MICAL3: variants seen among roughly 807,000 people sequenced by gnomAD.
MICAL3 encodes [F-actin]-monooxygenase MICAL3.
A neutral mutation model predicts 207.4 loss-of-function variants in MICAL3; 62 were observed. The observed-to-expected ratio is 0.30, with a 90% CI of 0.24 to 0.37. The LOEUF is 0.37. Ranked by LOEUF, MICAL3 falls within the 10% of genes least tolerant of loss-of-function variation. The pLI, the probability that MICAL3 is intolerant of heterozygous loss-of-function variation, is 1.00. For missense variants in MICAL3, 2,368 were observed against 2,635.6 expected (o/e 0.90, Z 2.22); for synonymous variants, 1,077 against 1,069.3 (o/e 1.01, Z -0.14).
At chr22:17,986,497 G>A (rs1419610459) in intron 1 of MICAL3, among the ~76,000 whole-genome samples, 1 of 152,070 alleles carries the variant, frequency 6.6e-6, no homozygotes, top group Non-Finnish European at 1.5e-5. Context: ...TCCAGCCTGG[G>A]CAACAGAGCG....
intron 1 of MICAL3, among the ~76,000 whole-genome samples, chr22:18,012,605 C>T (rs937841155): frequency 5.3e-5 from 8 of 152,218 alleles, no homozygotes; most frequent in Non-Finnish European, 1.2e-4. Flanking sequence ...CCAGAGCCTC[C>T]CAGCCAGTCT....
At position 17,866,619 on chromosome 22, in the gene MICAL3, A is replaced by G. The variant is rs143033477; in HGVS notation, c.2429-607T>C. ...GGAACAGCATAGAACAGAACAGAATAGAATAGAATAGAATAGAATAGAATA... is the reference window on the plus strand; with the variant it reads ...GGAACAGCATAGAACAGAACAGAATGGAATAGAATAGAATAGAATAGAATA... On this transcript the variant is annotated intron_variant, in intron 17 of 31. Transcript: ENST00000441493. 1.7e-3 allele frequency among the ~76,000 whole-genome samples: 200 copies of G among 117,348 alleles called. 1 individual carries two copies. The highest frequency in any genetic ancestry group is 6.3e-3 in the African/African-American group (194 of 30,818). 77.0% of individuals were successfully genotyped at this position (117,348 alleles called of 152,430 possible). A position where few individuals can be genotyped will look rare whatever the true frequency, so the allele number is the denominator to read the frequency against.
intron 22 of MICAL3, among the ~76,000 whole-genome samples, chr22:17,824,648 C>T (rs1370115975): frequency 2.0e-5 from 3 of 152,176 alleles, no homozygotes; most frequent in African/African-American, 7.2e-5. Flanking sequence ...AGGCGGGTTC[C>T]CAGACTAGCT....
At position 17,891,687 on chromosome 22, in the gene MICAL3, A is replaced by T. The variant is rs1273436495; in HGVS notation, c.1547-55T>A. On this transcript the variant is annotated intron_variant, in intron 11 of 31. Transcript: ENST00000441493. The stretch of plus-strand genomic sequence containing the variant: ...GGTGTGGTCACCTGGTAATGCTGAC[A>T]GAGAATCCTCTTTGTAGGACACATG... 3 of 1,566,354 alleles carry T rather than the reference A, an allele frequency of 1.9e-6. No individual in the cohort carries two copies. The East Asian group carries it at 6.8e-5, about 35-fold the overall frequency.
At chr22:17,791,365 ACAC>A in intron 29 of MICAL3, 64 bp from the exon 30 acceptor site, 1 of 1,374,270 alleles carries the variant, frequency 7.3e-7, no homozygotes, top group South Asian at 1.2e-5. Context: ...CGCAGGAATC[ACAC>A]GGGGCAAATG....
Position 17,888,955 on chromosome 22 carries a change from G to A in MICAL3, c.1891+79C>T, listed in dbSNP as rs557517354. 2.3e-5 allele frequency: 23 copies of A among 986,508 alleles called. No homozygotes were observed. The Middle Eastern group carries it at 1.1e-3, about 48-fold the overall frequency. 61.1% of individuals were successfully genotyped at this position (986,508 alleles called of 1,614,324 possible). A position where few individuals can be genotyped will look rare whatever the true frequency, so the allele number is the denominator to read the frequency against. On this transcript the variant is annotated intron_variant, in intron 13 of 31. Transcript: ENST00000441493. The stretch of plus-strand genomic sequence containing the variant: ...TTTGTGTTTGGTGGCACTGCTGCGG[G>A]ACAGTCGGAAGGAAGGAAGAACAGC...
chr22:17,982,992 C>T (rs1354711196), intron 1 of MICAL3, among the ~76,000 whole-genome samples: 4 of 152,106 alleles, frequency 2.6e-5, no homozygotes, highest in Non-Finnish European at 5.9e-5. Flanking sequence ...ACCTCAGAAA[C>T]GAAGGACCTT....
At chr22:17,858,600 G>T in intron 19 of MICAL3, 3 of 335,346 alleles carry the variant, frequency 8.9e-6, no homozygotes, top group Non-Finnish European at 1.3e-5. Flanking sequence ...AATAAGAGTG[G>T]CCCATTTTCA....
rs1927762592 is a variant in MICAL3 at position 17,871,908 on chromosome 22, C to T, written c.2357G>A (p.Arg786Gln). Residue 786 changes from arginine to glutamine, a missense_variant, in exon 17 of 32, where the codon CGG becomes CAG. This residue lies in a region of MICAL3 where 1,770 missense variants were observed against 1,863.2 expected (regional missense o/e 0.95). Coordinates refer to ENST00000441493, the MANE Select transcript of MICAL3 (RefSeq NM_015241.3). ...GCAGTACTCGCACTTGAAGCAGCTC[C>T]GGTGGAAGAACTTGCCCTCGGCACT... ...RLSAEGKFFH[R>Q]SCFKCEYCAT... 1.2e-6 allele frequency: 2 copies of T among 1,611,652 alleles called. No individual in the cohort carries two copies. Among genetic ancestry groups the T allele is most frequent in the Non-Finnish European group, 1.7e-6 (2 of 1,179,050 alleles).
chr22:17,881,625 A>C (rs1245977563), intron 16 of MICAL3, among the ~76,000 whole-genome samples: 1 of 152,186 alleles, frequency 6.6e-6, no homozygotes, highest in Non-Finnish European at 1.5e-5. Flanking sequence ...TAGAGAGGGC[A>C]AACAGGCCAA....
chr22:17,939,498 A>T (rs1045508364), intron 1 of MICAL3, among the ~76,000 whole-genome samples: 2 of 152,150 alleles, frequency 1.3e-5, no homozygotes, highest in African/African-American at 4.8e-5. Context: ...CCATCCCCCT[A>T]GGAGGCCAAA....
chr22:17,827,876 G>C, intron 21 of MICAL3, 95 bp from the exon 22 acceptor site: 3 of 1,332,250 alleles, frequency 2.3e-6, no homozygotes, highest in Non-Finnish European at 3.1e-6. Context: ...TTACAGCATT[G>C]GCCAGGGTCA....
At chr22:17,849,941 T>G (rs1051370929) in intron 19 of MICAL3, among the ~76,000 whole-genome samples, 1 of 152,000 alleles carries the variant, frequency 6.6e-6, no homozygotes, top group African/African-American at 2.4e-5. Flanking sequence ...TCCGCCCGCC[T>G]TAGCCTCCCA....
chr22:17,808,941 TGACA>T lies in MICAL3; in HGVS notation c.5557-8_5557-5del, dbSNP rs1555929275. 6.5e-7 allele frequency: 1 copy of T among 1,550,144 alleles called. No homozygotes were observed. Among genetic ancestry groups the T allele is most frequent in the Non-Finnish European group, 8.7e-7 (1 of 1,147,536 alleles). ...GCTGCAGCTGCCGCTGGATGATCTATGACAGACAGCACAGACTGAGCACCCGGCT... is the reference window on the plus strand; with the variant it reads ...GCTGCAGCTGCCGCTGGATGATCTATGACAGCACAGACTGAGCACCCGGCT... On this transcript the variant is annotated splice_region_variant and splice_polypyrimidine_tract_variant and intron_variant, in intron 28 of 31. Coordinates refer to ENST00000441493, the MANE Select transcript of MICAL3 (RefSeq NM_015241.3).
intron 1 of MICAL3, among the ~76,000 whole-genome samples, chr22:17,949,911 C>T (rs540883176): frequency 3.2e-4 from 48 of 152,378 alleles, no homozygotes; most frequent in African/African-American, 1.1e-3. Flanking sequence ...GCCAGAGATG[C>T]TGTGCTTCTA....
chr22:17,834,373 C>A, intron 20 of MICAL3: 1 of 1,249,908 alleles, frequency 8.0e-7, no homozygotes, highest in African/African-American at 1.6e-5. Flanking sequence ...CTTCCCCTCA[C>A]AACGCACTTG....
intron 19 of MICAL3, chr22:17,842,280 G>A: frequency 1.9e-6 from 1 of 522,684 alleles, no homozygotes. Flanking sequence ...CCGGCCCCCA[G>A]AGGGGAGACG....
intron 19 of MICAL3, chr22:17,863,952 T>A: frequency 1.0e-6 from 1 of 985,430 alleles, no homozygotes; most frequent in Non-Finnish European, 1.2e-6. Context: ...GAGGAAAGTG[T>A]GACAGACAGA....
intron 1 of MICAL3, among the ~76,000 whole-genome samples, chr22:17,952,877 C>T (rs1005043152): frequency 1.3e-5 from 2 of 152,198 alleles, no homozygotes; most frequent in Admixed American, 6.5e-5. Flanking sequence ...GTTTCCTTTT[C>T]GGGCAAAAGA....
Sources: gnomAD v4.1 joint callset for allele counts (sites outside exome capture counted in the v4.1 genomes callset) on GRCh38, gnomAD v4.1.1 for gene constraint, gnomAD v4.1.1 regional missense constraint, MANE v1.5 for transcripts, NCBI Gene and HGNC (gene_info 2026-07-23, HGNC 2026-07-21) for gene names.